Variants in CENPF observed in about 807,000 individuals in gnomAD.
CENPF encodes the protein centromere protein F.
A neutral mutation model predicts 307.3 loss-of-function variants in CENPF; 214 were observed. The ratio of observed to expected loss-of-function variants is 0.70; its 90% confidence interval spans 0.62 to 0.78. The LOEUF (loss-of-function observed/expected upper bound fraction) is 0.78, where lower values mean the gene tolerates loss of function less well. Among genes scored for constraint, CENPF ranks in the 30% least tolerant of loss-of-function variants. The pLI is 0.00. For missense variants in CENPF, 3,401 were observed against 3,483.9 expected, an observed-to-expected ratio of 0.98 and a Z score of 0.60; for synonymous variants, 1,259 against 1,270.6, an observed-to-expected ratio of 0.99 and a Z score of 0.19.
At position 214,642,843 on chromosome 1, in the gene CENPF, A is replaced by C. The variant is rs1658166962; in HGVS notation, c.4505A>C (p.Gln1502Pro). 1 of 1,613,986 alleles carries C rather than the reference A, an allele frequency of 6.2e-7. No homozygotes were observed. Among genetic ancestry groups the C allele is most frequent in the South Asian group, 1.1e-5 (1 of 91,086 alleles). ...TCCTTTTACAGAGCTCTTTTAGAAC[A>C]GACAGGAGATATGTCTCTTTTGAGT... ...DSSFYRALLE[Q>P]TGDMSLLSNL... is the part of the protein sequence containing the mutation. The change falls in exon 12 of 20, where the codon CAG (glutamine) becomes CCG (proline). Residue 1502 changes from glutamine to proline, a missense_variant. Transcript: ENST00000366955.
At chr1:214,618,082 T>G (rs1657407969) in intron 3 of CENPF, among the ~76,000 whole-genome samples, 1 of 152,082 alleles carries the variant, frequency 6.6e-6, no homozygotes, top group Non-Finnish European at 1.5e-5. Flanking sequence ...AGGAGAAGAA[T>G]GAGAACCAAG....
At position 214,637,994 on chromosome 1, in the gene CENPF, A is replaced by C. The variant is rs1332783785; in HGVS notation, c.1575A>C (p.Glu525Asp). The C allele has an allele frequency of 6.2e-7, 1 of 1,608,558 alleles. No individual in the cohort carries two copies. The highest frequency in any genetic ancestry group is 2.2e-5 in the East Asian group (1 of 44,800). Residue 525 changes from glutamate to aspartate, a missense_variant, in exon 11 of 20, where the codon GAA becomes GAC. Physicochemically the swap from Glu to Asp is conservative, Grantham distance 45. Transcript: ENST00000366955. The stretch of plus-strand genomic sequence containing the variant: ...ATCAGAGCCAGAATTTTGCAGAAGA[A>C]ATGAAAGGTAAGTAAACTTAGTATT... ...CLNQSQNFAE[E>D]MKAKNTSQET...
rs907275678 is a variant in CENPF at position 214,616,877 on chromosome 1, C to A, written c.360-1696C>A. On this transcript the variant is annotated intron_variant, in intron 3 of 19. Transcript: ENST00000366955. The stretch of plus-strand genomic sequence containing the variant: ...TCTTTCTTTCTTTCTTTCTTTCTTT[C>A]TTTCTTTCTTTCTTTCTTTCTTTCT... Among the ~76,000 whole-genome samples the A allele has an allele frequency of 8.6e-4, 88 of 102,394 alleles. 2 individuals are homozygous for A. In the Middle Eastern group the frequency reaches 0.013, roughly 15 times the overall value. The allele number at this position is 102,394 out of a possible 152,430, so 67.2% of individuals were successfully genotyped here.
chr1:214,653,733 A>G (rs1412709495), intron 16 of CENPF: 2 of 152,204 alleles, frequency 1.3e-5, no homozygotes, highest in Non-Finnish European at 2.9e-5. Flanking sequence ...CAAATTTATT[A>G]TGTTTATGGC....
intron 1 of CENPF, among the ~76,000 whole-genome samples, chr1:214,609,323 T>G (rs1247606588): frequency 6.6e-6 from 1 of 152,228 alleles, no homozygotes; most frequent in Non-Finnish European, 1.5e-5. Context: ...GCATTCACTC[T>G]TCATTCATGC....
rs754221041 is a variant in CENPF at position 214,651,744 on chromosome 1, A to G, written c.8018A>G (p.Glu2673Gly). ...AAGGAGCTCACACTAGAAAATAGTG[A>G]ATTGAAGAAGAGCCTAGATTGCATG... ...QLKELTLENS[E>G]LKKSLDCMHK... The change falls in exon 15 of 20, where the codon GAA (glutamate) becomes GGA (glycine). Residue 2673 changes from glutamate (E) to glycine (G), a missense_variant. Physicochemically the swap from Glu to Gly is moderately conservative, Grantham distance 98. Coordinates refer to ENST00000366955, the MANE Select transcript of CENPF (RefSeq NM_016343.4). The G allele has an allele frequency of 4.4e-6, 7 of 1,603,472 alleles. No individual in the cohort carries two copies. Among genetic ancestry groups the G allele is most frequent in the Non-Finnish European group, 4.2e-6 (5 of 1,177,296 alleles).
intron 5 of CENPF, among the ~76,000 whole-genome samples, chr1:214,619,919 A>G (rs549798918): frequency 2.6e-5 from 4 of 152,348 alleles, no homozygotes; most frequent in South Asian, 2.1e-4. Context: ...AGTTTGTCCT[A>G]GAAATATCAT....
At chr1:214,605,666 G>C (rs1476600790) in intron 1 of CENPF, 40 of 1,573,526 alleles carry the variant, frequency 2.5e-5, no homozygotes, top group Non-Finnish European at 3.4e-5. Flanking sequence ...TGGCCGGTTG[G>C]TGCCGCCGCT....
At chr1:214,613,990 C>G (rs1486727830) in intron 2 of CENPF, 74 bp downstream of exon 2, 1 of 1,331,500 alleles carries the variant, frequency 7.5e-7, no homozygotes, top group Non-Finnish European at 1.0e-6. Context: ...TAAAACTGTT[C>G]ACTCATTTTT....
At position 214,646,693 on chromosome 1, in the gene CENPF, G is replaced by A. The variant is rs1325308959; in HGVS notation, c.7123G>A (p.Gly2375Arg). The A allele has an allele frequency of 1.2e-6, 2 of 1,613,778 alleles. No individual in the cohort carries two copies. The highest frequency in any genetic ancestry group is 1.7e-6 in the Non-Finnish European group (2 of 1,180,000). Residue 2375 changes from glycine to arginine, a missense_variant, in exon 13 of 20, where the codon GGG (glycine) becomes AGG (arginine). Gly to Arg is a moderately radical substitution (Grantham distance 125). Coordinates refer to ENST00000366955, the MANE Select transcript of CENPF (RefSeq NM_016343.4). Reference sequence around the variant, plus strand: ...AGAGACCCTAAAAGCAAAAATAGAAGGGATGACCCAAAGTCTGAGAGGTCT... The same window carrying A: ...AGAGACCCTAAAAGCAAAAATAGAAAGGATGACCCAAAGTCTGAGAGGTCT... ...EVETLKAKIE[G>R]MTQSLRGLEL...
At chr1:214,617,343 C>T (rs1304698333) in intron 3 of CENPF, among the ~76,000 whole-genome samples, 5 of 152,216 alleles carry the variant, frequency 3.3e-5, no homozygotes, top group South Asian at 2.1e-4. Flanking sequence ...CCACTGGGCC[C>T]GGCATTACTT....
At chr1:214,660,890 A>T (rs1658772114) in intron 19 of CENPF, among the ~76,000 whole-genome samples, 1 of 152,240 alleles carries the variant, frequency 6.6e-6, no homozygotes, top group South Asian at 2.1e-4. Flanking sequence ...AGTGTCTGAC[A>T]TTCAACAAAT....
At chr1:214,613,624 T>C in intron 1 of CENPF, 90 bp from the exon 2 acceptor site, 1 of 920,256 alleles carries the variant, frequency 1.1e-6, no homozygotes. Flanking sequence ...TGAAACTTGA[T>C]TTTTAGGGGT....
In CENPF at chr1:214,645,846, C is replaced by G. The variant is rs1658280359; in HGVS notation, c.6276C>G (p.Ala2092=). 1 of 1,614,018 alleles carries G rather than the reference C, an allele frequency of 6.2e-7. No individual in the cohort carries two copies. The highest frequency in any genetic ancestry group is 1.3e-5 in the African/African-American group (1 of 74,902). Residue 2092 remains alanine, a synonymous_variant, in exon 13 of 20, where the codon GCC becomes GCG. Transcript: ENST00000366955. The part of the protein sequence containing the change: ...SDYEKLNVSK[A]LEAALVEKGE... ...ATGAAAAGCTGAATGTCTCCAAGGC[C>G]TTGGAGGCCGCACTGGTGGAGAAAG...
At chr1:214,629,518 AT>A (rs772780516) in intron 8 of CENPF, among the ~76,000 whole-genome samples, 1 of 150,506 alleles carries the variant, frequency 6.6e-6, no homozygotes, top group Non-Finnish European at 1.5e-5. Flanking sequence ...GGCTTTTAAA[AT>A]TTTTTTTTCT....
At chr1:214,644,255 A>G (rs1263331811) in intron 12 of CENPF, among the ~76,000 whole-genome samples, 1 of 152,252 alleles carries the variant, frequency 6.6e-6, no homozygotes, top group African/African-American at 2.4e-5. Context: ...GGCTACCTGA[A>G]TATTCTTAGC....
chr1:214,656,044 G>C (rs1226747762), intron 17 of CENPF, among the ~76,000 whole-genome samples: 1 of 152,206 alleles, frequency 6.6e-6, no homozygotes, highest in Non-Finnish European at 1.5e-5. Context: ...ATTGGCATCA[G>C]AATTGGCTTT....
Position 214,622,116 on chromosome 1 carries a change from G to A in CENPF, c.903G>A (p.Leu301=), listed in dbSNP as rs1410232036. 2 of 1,613,904 alleles carry A rather than the reference G, an allele frequency of 1.2e-6. No individual in the cohort carries two copies. The highest frequency in any genetic ancestry group is 1.3e-5 in the African/African-American group (1 of 74,902). Residue 301 remains leucine (L), a synonymous_variant, in exon 7 of 20, where the codon CTG becomes CTA. Transcript: ENST00000366955. Reference sequence around the variant, plus strand: ...AGATTAATGAGTTGGAACTACGCCTGCAAGGACATGAAAAAGAAATGAAAG... The same window carrying A: ...AGATTAATGAGTTGGAACTACGCCTACAAGGACATGAAAAAGAAATGAAAG... ...RNKINELELR[L]QGHEKEMKGQ...
rs1437784939 is a variant in CENPF at position 214,630,493 on chromosome 1, G to A, written c.1195-41G>A. ...TGCCTCACCCTGGAGTCTCCCTAGC[G>A]AACCATCATCAGGCTGATGCACCTG... is the stretch of plus-strand genomic sequence containing the variant. On this transcript the variant is annotated intron_variant, in intron 8 of 19. Coordinates refer to ENST00000366955, the MANE Select transcript of CENPF (RefSeq NM_016343.4). 2.2e-5 allele frequency: 35 copies of A among 1,611,586 alleles called. No individual in the cohort carries two copies. In the Admixed American group the frequency reaches 2.5e-4, roughly 12 times the overall value.
Sources: allele counts gnomAD v4.1 joint callset (sites outside exome capture counted in the v4.1 genomes callset), GRCh38; gene constraint gnomAD v4.1.1; transcripts MANE v1.5; gene names NCBI Gene and HGNC (gene_info 2026-07-23, HGNC 2026-07-21).